PI16: variants seen among roughly 807,000 people sequenced by gnomAD.
PI16 encodes the protein PSP94-binding protein.
In PI16, 35 loss-of-function variants were observed where a neutral mutation model predicts 38.0. That is an observed-to-expected ratio of 0.92 (90% confidence interval 0.70 to 1.22). The LOEUF is 1.22. PI16 is among the 50% of genes most tolerant of loss of function. The pLI is 0.00. For synonymous variants in PI16, 275 were observed against 252.9 expected (o/e 1.09, Z -0.83); for missense variants, 572 against 593.8 (o/e 0.96, Z 0.38).
chr6:36,949,365 G>A (rs578227792), intron 1 of PI16, among the ~76,000 whole-genome samples: 99 of 151,304 alleles, frequency 6.5e-4, no homozygotes, highest in African/African-American at 1.9e-3. Flanking sequence ...CAGGTGATCC[G>A]CCCACCTTGG....
chr6:36,961,946 TG>T lies in PI16; in HGVS notation c.566del (p.Gly189AlafsTer25). On this transcript the variant is annotated frameshift_variant, in exon 4 of 7. Transcript: ENST00000373674. LOFTEE classifies it high-confidence loss of function. ...GGACTCCGTGCTCCCAATGTCCCTCTGGCTACCACTGCAAGAACTCCCTCTG... is the reference window on the plus strand; with the variant it reads ...GGACTCCGTGCTCCCAATGTCCCTCTGCTACCACTGCAAGAACTCCCTCTG... The part of the protein sequence containing the change: ...EGTPCSQCPS[G>X]YHCKNSLCEP... 1 of 1,614,124 alleles carries T rather than the reference TG, an allele frequency of 6.2e-7. No individual in the cohort carries two copies.
At chr6:36,954,555 T>G, upstream of PI16, 1 of 637,288 alleles carries the variant, frequency 1.6e-6, no homozygotes. Flanking sequence ...AGAAAGGAGG[T>G]TTTTGCCAAG....
intron 1 of PI16, among the ~76,000 whole-genome samples, chr6:36,957,274 A>G (rs951137196): frequency 1.3e-5 from 2 of 152,024 alleles, no homozygotes; most frequent in Non-Finnish European, 2.9e-5. Flanking sequence ...TTCCCAGCCA[A>G]AATGTTTCCC....
intron 5 of PI16, 57 bp downstream of exon 5, chr6:36,963,669 G>T: frequency 3.2e-6 from 5 of 1,581,282 alleles, no homozygotes; most frequent in Admixed American, 1.7e-5. Flanking sequence ...TCAGTATCCT[G>T]CCCCAGCATA....
upstream of PI16, chr6:36,954,539 A>G (rs1763153920): frequency 1.7e-6 from 1 of 579,302 alleles, no homozygotes; most frequent in African/African-American, 1.9e-5. Flanking sequence ...AGCCCCCGTT[A>G]CCAAGAGAAA....
At position 36,963,906 on chromosome 6, in the gene PI16, C is replaced by T. The variant is rs764120800; in HGVS notation, c.1354C>T (p.Leu452=). The change falls in exon 6 of 7, where the codon CTG becomes TTG. Residue 452 remains leucine (L), a synonymous_variant. Transcript: ENST00000373674. The stretch of plus-strand genomic sequence containing the variant: ...TGTGTGGGGCCCTCTCCTGGGACTA[C>T]TGCTCCTGCCTCCTCTGGTGTTGGC... ...GHVWGPLLGL[L]LLPPLVLAGI... The T allele has an allele frequency of 2.5e-6, 4 of 1,613,886 alleles. No individual in the cohort carries two copies. In the South Asian group the frequency reaches 4.4e-5, roughly 18 times the overall value.
chr6:36,962,838 T>C lies in PI16; in HGVS notation c.593-97T>C. The C allele has an allele frequency of 9.7e-7, 1 of 1,031,916 alleles. No individual in the cohort carries two copies. The highest frequency in any genetic ancestry group is 1.4e-6 in the Non-Finnish European group (1 of 705,408). 63.9% of individuals were successfully genotyped at this position (1,031,916 alleles called of 1,614,324 possible). Reference sequence around the variant, plus strand: ...AGTGTATGTGTGTGTTTGTGTGTCCTGGTAGGACATTTGGTCGCGTCACTT... The same window carrying C: ...AGTGTATGTGTGTGTTTGTGTGTCCCGGTAGGACATTTGGTCGCGTCACTT... On this transcript the variant is annotated intron_variant, in intron 4 of 6. Transcript: ENST00000373674. This position sits in a 1 kb window ranked among gnomAD's most constrained non-coding sequence, Gnocchi z 4.1.
intron 1 of PI16, among the ~76,000 whole-genome samples, chr6:36,956,975 C>T (rs893769946): frequency 6.6e-6 from 1 of 152,202 alleles, no homozygotes; most frequent in African/African-American, 2.4e-5. Context: ...ACCCCCTTCT[C>T]TTTTCAGCAC....
Position 36,959,269 on chromosome 6 carries a change from T to C in PI16, c.296T>C (p.Val99Ala), listed in dbSNP as rs1030770160. Reference sequence around the variant, plus strand: ...GCCATCACAGACGAGGGCATGGACGTGCCGCTGGCCATGGAGGAGTGGCAC... The same window carrying C: ...GCCATCACAGACGAGGGCATGGACGCGCCGCTGGCCATGGAGGAGTGGCAC... ...LFAITDEGMD[V>A]PLAMEEWHHE... Residue 99 changes from valine (V) to alanine (A), a missense_variant, in exon 2 of 7, where the codon GTG becomes GCG. Physicochemically the swap from Val to Ala is moderately conservative, Grantham distance 64. Transcript: ENST00000373674. 1.9e-6 allele frequency: 3 copies of C among 1,602,332 alleles called. No individual in the cohort carries two copies. In the Admixed American group the frequency reaches 5.1e-5, roughly 27 times the overall value.
At position 36,963,056 on chromosome 6, in the gene PI16, G is replaced by A. The variant is rs779887710; in HGVS notation, c.714G>A (p.Thr238=). The part of the protein sequence containing the change: ...RKMGTPSSLA[T]GIPAFLVTEV... ...TGGGTACTCCTTCTTCCCTAGCAAC[G>A]GGGATTCCGGCTTTCTTGGTAACAG... is the stretch of plus-strand genomic sequence containing the variant. Residue 238 remains threonine (T), a synonymous_variant, in exon 5 of 7, where the codon ACG becomes ACA. Transcript: ENST00000373674. 3 of 1,614,052 alleles carry A rather than the reference G, an allele frequency of 1.9e-6. No homozygotes were observed. The highest frequency in any genetic ancestry group is 1.7e-5 in the Admixed American group (1 of 60,000).
intron 1 of PI16, 97 bp downstream of exon 1, chr6:36,955,028 T>C: frequency 6.9e-7 from 1 of 1,444,792 alleles, no homozygotes; most frequent in Non-Finnish European, 9.1e-7. Context: ...GCTGAAGCTA[T>C]TTCAGAATTC....
In PI16 at chr6:36,961,984, CG is replaced by C. The variant is rs765079679; in HGVS notation, c.592+13del. ...AAGAACTCCCTCTGTGGTGAGTCCA[CG>C]GGTGGATGGGTAGGGGCAGGGGGTG... is the stretch of plus-strand genomic sequence containing the variant. On this transcript the variant is annotated intron_variant, in intron 4 of 6. Transcript: ENST00000373674. 4.5e-5 allele frequency: 72 copies of C among 1,608,256 alleles called. 1 individual carries two copies. In the South Asian group the frequency reaches 5.6e-4, roughly 13 times the overall value.
chr6:36,962,006 G>T lies in PI16; in HGVS notation c.592+32G>T, dbSNP rs755402468. The T allele has an allele frequency of 1.3e-6, 2 of 1,571,264 alleles. No individual in the cohort carries two copies. The highest frequency in any genetic ancestry group is 4.5e-5 in the East Asian group (2 of 44,660). On this transcript the variant is annotated intron_variant, in intron 4 of 6. Transcript: ENST00000373674. The surrounding 1 kb of genome is among the most constrained non-coding windows in gnomAD (Gnocchi z 4.1). ...CCACGGGTGGATGGGTAGGGGCAGG[G>T]GGTGTGGAAATGATGCGATGCAGAC...
chr6:36,954,531 C>A, upstream of PI16: 1 of 551,224 alleles, frequency 1.8e-6, no homozygotes, highest in Admixed American at 3.5e-5. Context: ...TTGGCCTGAG[C>A]CCCCGTTACC....
intron 1 of PI16, among the ~76,000 whole-genome samples, chr6:36,949,027 G>C (rs1459297901): frequency 6.6e-6 from 1 of 151,826 alleles, no homozygotes; most frequent in Non-Finnish European, 1.5e-5. Context: ...TCAATCTCTT[G>C]ACCTCGTGAT....
At position 36,961,886 on chromosome 6, in the gene PI16, G is replaced by C. The variant is rs764286434; in HGVS notation, c.504G>C (p.Pro168=). ...IELLVCNYEP[P]GNVKGKRPYQ... ...GCAGCATCCTCCTGACCTCCTGTAG[G>C]GGGAACGTGAAGGGGAAACGGCCCT... Residue 168 remains proline (P), a splice_region_variant and synonymous_variant, in exon 4 of 7, where the codon CCG becomes CCC. Transcript: ENST00000373674. The C allele has an allele frequency of 8.7e-6, 14 of 1,613,822 alleles. No individual in the cohort carries two copies. The highest frequency in any genetic ancestry group is 1.1e-5 in the Non-Finnish European group (13 of 1,179,782).
chr6:36,955,182 G>A (rs895421030), intron 1 of PI16, among the ~76,000 whole-genome samples: 6 of 152,286 alleles, frequency 3.9e-5, no homozygotes, highest in African/African-American at 1.4e-4. Flanking sequence ...TACAGATAAG[G>A]AAAGTGAGGC....
At chr6:36,964,108 A>G in intron 6 of PI16, 146 bp downstream of exon 6, 6 of 1,025,586 alleles carry the variant, frequency 5.9e-6, no homozygotes, top group Non-Finnish European at 8.2e-6. Flanking sequence ...CCAGGCCAGC[A>G]CTCTTGTCCT....
chr6:36,961,454 G>A lies in PI16; in HGVS notation c.397G>A (p.Val133Ile), dbSNP rs1763363120. 3 of 1,614,156 alleles carry A rather than the reference G, an allele frequency of 1.9e-6. No individual in the cohort carries two copies. In the East Asian group the frequency reaches 6.7e-5, roughly 36 times the overall value. The change falls in exon 3 of 7, where the codon GTA becomes ATA. Residue 133 changes from valine (V) to isoleucine (I), a missense_variant. Coordinates refer to ENST00000373674, the MANE Select transcript of PI16 (RefSeq NM_153370.3). ...GQMCGHYTQV[V>I]WAKTERIGCG... ...TGCTAGGTTTGCCCTTCATCAGGTG[G>A]TATGGGCCAAGACAGAGAGGATCGG...
Sources: gnomAD v4.1 joint callset for allele counts (sites outside exome capture counted in the v4.1 genomes callset) on GRCh38, gnomAD v4.1.1 for gene constraint, Gnocchi (gnomAD v3.1) non-coding constraint, MANE v1.5 for transcripts, NCBI Gene and HGNC (gene_info 2026-07-23, HGNC 2026-07-21) for gene names.